FAM178B: variants seen among roughly 807,000 people sequenced by gnomAD.
FAM178B encodes the protein protein FAM178B.
Under a neutral mutation model 91.7 loss-of-function variants are expected in FAM178B, and 82 were observed. The observed-to-expected ratio is 0.89, with a 90% CI of 0.75 to 1.07. The LOEUF (loss-of-function observed/expected upper bound fraction) is 1.07. FAM178B is among the 50% of genes least tolerant of loss of function. The probability of loss-of-function intolerance (pLI) is 0.00; values close to 1 mark genes in which losing one functional copy is unlikely to be tolerated. For synonymous variants in FAM178B, 368 were observed against 359.4 expected, an observed-to-expected ratio of 1.02 and a Z score of -0.27; for missense variants, 769 against 846.7, an observed-to-expected ratio of 0.91 and a Z score of 1.14.
chr2:96,892,604 C>T (rs1009321171), intron 14 of FAM178B, among the ~76,000 whole-genome samples: 1 of 152,172 alleles, frequency 6.6e-6, no homozygotes, highest in East Asian at 1.9e-4. Flanking sequence ...CTTCTGCCAC[C>T]TGGATAGCCT....
chr2:96,957,168 G>T (rs888477878), intron 6 of FAM178B, among the ~76,000 whole-genome samples: 11 of 152,160 alleles, frequency 7.2e-5, no homozygotes, highest in African/African-American at 2.4e-4. Flanking sequence ...CTTCTTAAGA[G>T]ATCCCCTTGT....
chr2:96,911,150 G>A, intron 12 of FAM178B, among the ~76,000 whole-genome samples: 1 of 152,096 alleles, frequency 6.6e-6, no homozygotes, highest in East Asian at 1.9e-4. Context: ...CGAGTGTGCT[G>A]AGTGAGTCCC....
intron 14 of FAM178B, among the ~76,000 whole-genome samples, chr2:96,880,181 C>T (rs998468082): frequency 2.0e-5 from 3 of 152,166 alleles, no homozygotes; most frequent in African/African-American, 7.2e-5. Flanking sequence ...GCGAGTACAA[C>T]TTAGAGGCTT....
intron 15 of FAM178B, 30 bp downstream of exon 15, chr2:96,878,386 C>T (rs2080299289): frequency 1.2e-6 from 2 of 1,604,092 alleles, no homozygotes; most frequent in Non-Finnish European, 1.7e-6. Flanking sequence ...TGGGCACCCC[C>T]ACCACAGCCC....
chr2:96,947,745 G>A (rs2153373083), intron 8 of FAM178B, 73 bp downstream of exon 8: 1 of 856,582 alleles, frequency 1.2e-6, no homozygotes, highest in South Asian at 1.5e-5. Context: ...GCTGGGCTCT[G>A]GGCACTGAGA....
At chr2:96,902,576 C>T (rs1197160492) in intron 13 of FAM178B, 44 bp downstream of exon 13, 9 of 1,387,918 alleles carry the variant, frequency 6.5e-6, no homozygotes, top group South Asian at 5.0e-5. Flanking sequence ...CTCCAGAGCC[C>T]GCAGGCCATG....
At position 96,902,689 on chromosome 2, in the gene FAM178B, G is replaced by A; in HGVS notation, c.1581C>T (p.Leu527=). 6.4e-7 allele frequency: 1 copy of A among 1,550,676 alleles called. No homozygotes were observed. The highest frequency in any genetic ancestry group is 1.2e-5 in the South Asian group (1 of 84,046). Residue 527 remains leucine (L), a synonymous_variant, in exon 13 of 17, where the codon CTC becomes CTT. Transcript: ENST00000490605. ...TSRSRRLRSQ[L]SLVVIARMLG... ...GCATTCGAGCAATGACCACAAGGCTGAGCTGGCTTCGAAGCCGCCTGGGGG... is the reference window on the plus strand; with the variant it reads ...GCATTCGAGCAATGACCACAAGGCTAAGCTGGCTTCGAAGCCGCCTGGGGG...
chr2:96,878,864 G>T (rs1048178105), intron 14 of FAM178B, among the ~76,000 whole-genome samples: 6 of 152,230 alleles, frequency 3.9e-5, no homozygotes, highest in Non-Finnish European at 8.8e-5. Flanking sequence ...TCTGATCTCT[G>T]CAGTCTCTGT....
rs2081383029 is a variant in FAM178B at position 96,923,586 on chromosome 2, G to GCC, written c.1194-4_1194-3insGG. ...GGCCAGCCTCGCCTGGAAGCACCCT[G>GCC]TGGTAAGACAACAACAGTGACGATG... On this transcript the variant is annotated splice_region_variant and splice_polypyrimidine_tract_variant and intron_variant, in intron 9 of 16. Coordinates refer to ENST00000490605, the MANE Select transcript of FAM178B (RefSeq NM_001122646.3). The GCC allele has an allele frequency of 1.3e-6, 2 of 1,551,132 alleles. No homozygotes were observed. Among genetic ancestry groups the GCC allele is most frequent in the Non-Finnish European group, 1.7e-6 (2 of 1,146,590 alleles).
At chr2:96,985,919 A>T (rs1254206337) in intron 1 of FAM178B, among the ~76,000 whole-genome samples, 1 of 152,236 alleles carries the variant, frequency 6.6e-6, no homozygotes, top group Non-Finnish European at 1.5e-5. Context: ...AGAAAACACC[A>T]GCTACCCTTT....
rs995942476 is a variant in FAM178B, at chr2:96,986,233, T to C, written c.73+8A>G. ...GCCCCTGCGGTTCCTCGGCCTCAGT[T>C]TCCTTACCTGTAAAATGGAGCCGCT... On this transcript the variant is annotated splice_region_variant and intron_variant, in intron 1 of 16. Coordinates refer to ENST00000490605, the MANE Select transcript of FAM178B (RefSeq NM_001122646.3). The C allele has an allele frequency of 6.5e-7, 1 of 1,534,628 alleles. No homozygotes were observed. The highest frequency in any genetic ancestry group is 1.2e-5 in the South Asian group (1 of 84,006).
chr2:96,908,940 C>T (rs1464718468), intron 12 of FAM178B, among the ~76,000 whole-genome samples: 1 of 151,826 alleles, frequency 6.6e-6, no homozygotes, highest in East Asian at 1.9e-4. Context: ...GAGGTCAGTT[C>T]GAGACCAGTC....
chr2:96,962,597 A>C (rs1201415010), intron 5 of FAM178B, among the ~76,000 whole-genome samples: 1 of 152,184 alleles, frequency 6.6e-6, no homozygotes, highest in Non-Finnish European at 1.5e-5. Flanking sequence ...CGACTCTTAT[A>C]CATCTAATTG....
chr2:96,921,711 T>C, intron 10 of FAM178B, 57 bp from the exon 11 acceptor site: 2 of 1,507,936 alleles, frequency 1.3e-6, no homozygotes, highest in Non-Finnish European at 1.8e-6. Context: ...GGAGAGTACT[T>C]CGAGGACCAG....
intron 14 of FAM178B, among the ~76,000 whole-genome samples, chr2:96,880,910 A>G (rs1016197118): frequency 1.3e-5 from 2 of 152,136 alleles, no homozygotes; most frequent in African/African-American, 4.8e-5. Context: ...TTTTTTTAAC[A>G]AGATACTGCC....
intron 8 of FAM178B, among the ~76,000 whole-genome samples, chr2:96,947,039 G>T (rs914606178): frequency 2.6e-5 from 4 of 152,206 alleles, no homozygotes; most frequent in African/African-American, 9.6e-5. Flanking sequence ...TTGCTCTGGG[G>T]TGAGCAGCCT....
chr2:96,967,315 A>G (rs983960276), intron 5 of FAM178B, among the ~76,000 whole-genome samples: 8 of 152,248 alleles, frequency 5.3e-5, no homozygotes, highest in African/African-American at 1.9e-4. Context: ...CAAAGGCTCA[A>G]ATGAGACCCT....
At chr2:96,884,420 G>A (rs2080466148) in intron 14 of FAM178B, among the ~76,000 whole-genome samples, 2 of 152,226 alleles carry the variant, frequency 1.3e-5, no homozygotes, top group African/African-American at 4.8e-5. Flanking sequence ...CGAGGCTGAG[G>A]CTGCTCCCCC....
At chr2:96,970,877 G>T in intron 3 of FAM178B, 100 bp from the exon 4 acceptor site, 2 of 896,658 alleles carry the variant, frequency 2.2e-6, no homozygotes, top group Non-Finnish European at 3.5e-6. Context: ...TATTTTGTTT[G>T]CTTTTCTGAA....
Sources: gnomAD v4.1 joint callset for allele counts (sites outside exome capture counted in the v4.1 genomes callset) on GRCh38, gnomAD v4.1.1 for gene constraint, MANE v1.5 for transcripts, NCBI Gene and HGNC (gene_info 2026-07-23, HGNC 2026-07-21) for gene names.